Variants in EGLN2 observed in about 807,000 individuals in gnomAD.
EGLN2 encodes the protein prolyl hydroxylase EGLN2.
Under a neutral mutation model 38.2 loss-of-function variants are expected in EGLN2, and 15 were observed. The ratio of observed to expected loss-of-function variants is 0.39; its 90% CI spans 0.26 to 0.60. The LOEUF is 0.60. Among genes scored for constraint, EGLN2 ranks in the 20% least tolerant of loss-of-function variants. The pLI is 0.50. For missense variants in EGLN2, 492 were observed against 570.4 expected (o/e 0.86, Z 1.40); for synonymous variants, 284 against 237.4 (o/e 1.20, Z -1.81).
intron 5 of EGLN2, 71 bp downstream of exon 5, chr19:40,807,622 CT>C (rs1388382211): frequency 3.9e-6 from 6 of 1,535,552 alleles, no homozygotes; most frequent in Non-Finnish European, 5.4e-6. Context: ...CCCCATCCCC[CT>C]CATCAGCCTC....
rs773586574 is a variant in EGLN2 at position 40,801,095 on chromosome 19, G to A, written c.523G>A (p.Glu175Lys). Residue 175 changes from glutamate to lysine, a missense_variant, in exon 2 of 6, where the codon GAG (glutamate) becomes AAG (lysine). Around this residue, in one of 2 missense-constraint regions of EGLN2, gnomAD observed 378 missense variants for 386.2 expected, o/e 0.98. Transcript: ENST00000303961. ...GGAGGAGGCGCTGCCCTCTGCGCCC[G>A]AGCGCCTGGCCCTGGACTATATCGT... Reference protein sequence around the residue: ...LMEEALPSAPERLALDYIVPC... With the variant: ...LMEEALPSAPKRLALDYIVPC... 13 of 1,612,540 alleles carry A rather than the reference G, an allele frequency of 8.1e-6. No homozygotes were observed. Among genetic ancestry groups the A allele is most frequent in the Admixed American group, 5.0e-5 (3 of 60,014 alleles).
chr19:40,807,238 G>A lies in EGLN2; in HGVS notation c.1064G>A (p.Arg355Gln), dbSNP rs757270965. 7 of 1,614,044 alleles carry A rather than the reference G, an allele frequency of 4.3e-6. No individual in the cohort carries two copies. The highest frequency in any genetic ancestry group is 1.7e-5 in the Admixed American group (1 of 59,992). Residue 355 changes from arginine (R) to glutamine (Q), a missense_variant, in exon 4 of 6, where the codon CGG becomes CAG. By Grantham distance (43) the Arg-to-Gln change is conservative. Around this residue, in one of 2 missense-constraint regions of EGLN2, gnomAD observed 114 missense variants for 184.2 expected, o/e 0.62. Coordinates refer to ENST00000303961, the MANE Select transcript of EGLN2 (RefSeq NM_080732.4). ...DRLLIFWSDR[R>Q]NPHEVKPAYA... ...TTGCTCATTTTCTGGTCTGACCGGCGGAACCCCCACGAGGTGAAGCCAGCC... is the reference window on the plus strand; with the variant it reads ...TTGCTCATTTTCTGGTCTGACCGGCAGAACCCCCACGAGGTGAAGCCAGCC...
intron 1 of EGLN2, 104 bp downstream of exon 1, chr19:40,799,366 G>A (rs1417923030): frequency 6.8e-6 from 1 of 147,646 alleles, no homozygotes; most frequent in Non-Finnish European, 1.5e-5. Context: ...GGGGCCTGCC[G>A]GGGCGACCCC....
Position 40,801,307 on chromosome 19 carries a change from C to G in EGLN2, c.735C>G (p.Gly245=). The part of the protein sequence containing the change: ...IRGDQIAWVE[G]HEPGCRSIGA... ...GGGACCAGATTGCCTGGGTGGAAGG[C>G]CATGAACCAGGCTGTCGAAGCATTG... The change falls in exon 2 of 6, where the codon GGC becomes GGG. Residue 245 remains glycine, a synonymous_variant. Transcript: ENST00000303961. 6.2e-7 allele frequency: 1 copy of G among 1,613,012 alleles called. No homozygotes were observed. Among genetic ancestry groups the G allele is most frequent in the Admixed American group, 1.7e-5 (1 of 60,034 alleles).
rs973128666 is a variant in EGLN2, at chr19:40,806,820, C to T, written c.963+146C>T. 34 of 1,188,272 alleles carry T rather than the reference C, an allele frequency of 2.9e-5. No individual in the cohort carries two copies. In the East Asian group the frequency reaches 7.2e-4, roughly 25 times the overall value. The allele number at this position is 1,188,272 out of a possible 1,614,324, so 73.6% of individuals were successfully genotyped here. ...ACACACAGCGGGCAGTGCGATCTGC[C>T]GGCTCTTCCTGGGAAATGGCACCTC... On this transcript the variant is annotated intron_variant, in intron 3 of 5. Coordinates refer to ENST00000303961, the MANE Select transcript of EGLN2 (RefSeq NM_080732.4).
chr19:40,802,418 C>T (rs949688415), intron 2 of EGLN2, among the ~76,000 whole-genome samples: 1 of 152,206 alleles, frequency 6.6e-6, no homozygotes, highest in South Asian at 2.1e-4. Context: ...CTGTGTGTCA[C>T]TTCCTCCCTA....
At chr19:40,799,917 C>G (rs541021992) in intron 1 of EGLN2, 1 of 145,696 alleles carries the variant, frequency 6.9e-6, no homozygotes, top group East Asian at 2.0e-4. Context: ...CGCCCCCACC[C>G]TGACTCTCCC....
intron 1 of EGLN2, 81 bp from the exon 2 acceptor site, chr19:40,800,258 C>G (rs1210029625): frequency 8.7e-6 from 3 of 343,510 alleles, no homozygotes; most frequent in Non-Finnish European, 1.6e-5. Context: ...CTTCCCCACT[C>G]CTGCCCATAC....
chr19:40,805,714 G>A (rs2083296126), intron 2 of EGLN2: 1 of 152,252 alleles, frequency 6.6e-6, no homozygotes, highest in South Asian at 2.1e-4. Context: ...CTGTCAGGCA[G>A]AGGAAAGAAC....
chr19:40,800,411 G>A lies in EGLN2; in HGVS notation c.-162G>A, dbSNP rs1599757731. 2.7e-6 allele frequency: 3 copies of A among 1,122,446 alleles called. No homozygotes were observed. Among genetic ancestry groups the A allele is most frequent in the East Asian group, 2.6e-5 (1 of 38,346 alleles). 69.5% of individuals were successfully genotyped at this position (1,122,446 alleles called of 1,614,324 possible). ...TGGGGACCAGCAAGCAACCCCCAGGGCACGAGAAGAGCTCTTGCTGTCTGC... is the reference window on the plus strand; with the variant it reads ...TGGGGACCAGCAAGCAACCCCCAGGACACGAGAAGAGCTCTTGCTGTCTGC... On this transcript the variant is annotated 5_prime_UTR_variant, in exon 2 of 6. Coordinates refer to ENST00000303961, the MANE Select transcript of EGLN2 (RefSeq NM_080732.4).
In EGLN2 at chr19:40,800,494, C is replaced by G; in HGVS notation, c.-79C>G. ...GGCCCCCAGCTGCATCAAGTGGAGG[C>G]GGAGGAGGAGGCGGAGGAGGGTGGC... On this transcript the variant is annotated 5_prime_UTR_variant, in exon 2 of 6. Transcript: ENST00000303961. 6.8e-7 allele frequency: 1 copy of G among 1,465,474 alleles called. No homozygotes were observed. The highest frequency in any genetic ancestry group is 9.0e-7 in the Non-Finnish European group (1 of 1,111,168). 90.8% of individuals were successfully genotyped at this position (1,465,474 alleles called of 1,614,324 possible).
rs1211723178 is a variant in EGLN2, at chr19:40,801,085, C to G, written c.513C>G (p.Pro171=). 2 of 1,612,752 alleles carry G rather than the reference C, an allele frequency of 1.2e-6. No individual in the cohort carries two copies. Among genetic ancestry groups the G allele is most frequent in the East Asian group, 2.2e-5 (1 of 44,882 alleles). ...CTGGGCTGATGGAGGAGGCGCTGCC[C>G]TCTGCGCCCGAGCGCCTGGCCCTGG... ...ASAGLMEEAL[P]SAPERLALDY... The change falls in exon 2 of 6, where the codon CCC becomes CCG. Residue 171 remains proline (P), a synonymous_variant. Transcript: ENST00000303961.
At chr19:40,806,949 T>C in intron 3 of EGLN2, 189 bp from the exon 4 acceptor site, 1 of 1,022,134 alleles carries the variant, frequency 9.8e-7, no homozygotes, top group Non-Finnish European at 1.4e-6. Flanking sequence ...CCCCTTTTCC[T>C]GTCTTTAGTA....
chr19:40,801,896 G>A (rs1040447633), intron 2 of EGLN2, among the ~76,000 whole-genome samples: 4 of 151,922 alleles, frequency 2.6e-5, no homozygotes, highest in Admixed American at 6.6e-5. Flanking sequence ...TTCAAGCATC[G>A]CCACAGTGGT....
rs748746786 is a variant in EGLN2 at position 40,800,541 on chromosome 19, C to T, written c.-32C>T. On this transcript the variant is annotated 5_prime_UTR_variant, in exon 2 of 6. Transcript: ENST00000303961. ...TGGCACCATGGGCCCGGGCGGTGCC[C>T]TCCATGCCCGGGGGATGAAGACACT... is the stretch of plus-strand genomic sequence containing the variant. 18 of 1,546,722 alleles carry T rather than the reference C, an allele frequency of 1.2e-5. No homozygotes were observed. Among genetic ancestry groups the T allele is most frequent in the Non-Finnish European group, 1.6e-5 (18 of 1,146,186 alleles).
chr19:40,806,969 C>T, intron 3 of EGLN2, 169 bp from the exon 4 acceptor site: 1 of 1,108,144 alleles, frequency 9.0e-7, no homozygotes, highest in East Asian at 2.6e-5. Context: ...AGCTTCCTGC[C>T]CATCTCCATG....
chr19:40,806,865 G>A, intron 3 of EGLN2, 191 bp downstream of exon 3: 1 of 960,992 alleles, frequency 1.0e-6, no homozygotes, highest in Non-Finnish European at 1.5e-6. Context: ...AGCGGACTGT[G>A]TGGTGGGAAC....
intron 1 of EGLN2, 39 bp from the exon 2 acceptor site, chr19:40,800,300 A>T: frequency 1.0e-5 from 4 of 395,570 alleles, no homozygotes; most frequent in South Asian, 4.6e-5. Context: ...GCCTGTCTCT[A>T]GTTTCTCTCA....
At position 40,800,702 on chromosome 19, in the gene EGLN2, C is replaced by G. The variant is rs376747613; in HGVS notation, c.130C>G (p.Leu44Val). 5 of 1,614,082 alleles carry G rather than the reference C, an allele frequency of 3.1e-6. No homozygotes were observed. In the South Asian group the frequency reaches 5.5e-5, roughly 18 times the overall value. ...AGTGGAGAGTTACCTGCCCTGTCCC[C>G]TGCTCCCCTCCTACCACTGTCCAGG... is the stretch of plus-strand genomic sequence containing the variant. ...MGVESYLPCPLLPSYHCPGVP... is the reference protein window; with the variant it reads ...MGVESYLPCPVLPSYHCPGVP... Residue 44 changes from leucine (L) to valine (V), a missense_variant, in exon 2 of 6, where the codon CTG (leucine) becomes GTG (valine). Physicochemically the swap from Leu to Val is conservative, Grantham distance 32 (BLOSUM62 1). Around this residue, in one of 2 missense-constraint regions of EGLN2, gnomAD observed 378 missense variants for 386.2 expected, o/e 0.98. Coordinates refer to ENST00000303961, the MANE Select transcript of EGLN2 (RefSeq NM_080732.4).
Sources: gnomAD v4.1 joint callset for allele counts (sites outside exome capture counted in the v4.1 genomes callset) on GRCh38, gnomAD v4.1.1 for gene constraint, gnomAD v4.1.1 regional missense constraint, MANE v1.5 for transcripts, NCBI Gene and HGNC (gene_info 2026-07-23, HGNC 2026-07-21) for gene names.